KANK1: variants seen among roughly 807,000 people sequenced by gnomAD.
KANK1 encodes the protein KN motif and ankyrin repeat domains 1.
Under a neutral mutation model 106.2 loss-of-function variants are expected in KANK1, and 109 were observed. The observed-to-expected ratio is 1.03, with a 90% CI of 0.88 to 1.20. The LOEUF is 1.20. Ranked by LOEUF, KANK1 falls within the 50% of genes most tolerant of loss-of-function variation. KANK1 has a pLI of 0.00. For missense variants in KANK1, 2,399 were observed against 1,710.7 expected, an observed-to-expected ratio of 1.40 and a Z score of -7.10; for synonymous variants, 873 against 652.2, an observed-to-expected ratio of 1.34 and a Z score of -5.16.
chr9:624,883 C>G (rs1234047649), intron 1 of KANK1, among the ~76,000 whole-genome samples: 1 of 152,158 alleles, frequency 6.6e-6, no homozygotes, highest in Non-Finnish European at 1.5e-5. Flanking sequence ...GAGCCCATCT[C>G]TGAGGAAAAG....
intron 1 of KANK1, among the ~76,000 whole-genome samples, chr9:613,313 G>A (rs1831011485): frequency 6.6e-6 from 1 of 150,658 alleles, no homozygotes; most frequent in African/African-American, 2.4e-5. Flanking sequence ...TAGATAGCAA[G>A]TACAGCTGTA....
rs1334824574 is a variant in KANK1 at position 714,381 on chromosome 9, A to T, written c.2698+917A>T. On this transcript the variant is annotated intron_variant, in intron 3 of 11. Transcript: ENST00000382297. The stretch of plus-strand genomic sequence containing the variant: ...CACTCATTTTTTTTTTTTTTTTTTG[A>T]GACAGAGTCGCTCTGTCACCCAGGC... Among the ~76,000 whole-genome samples, 228 of 38,062 alleles carry T rather than the reference A, an allele frequency of 6.0e-3. 4 individuals carry two copies. The highest frequency in any genetic ancestry group is 0.028 in the African/African-American group (208 of 7,456). The allele number at this position is 38,062 out of a possible 152,430, so 25.0% of individuals were successfully genotyped here. A position where few individuals can be genotyped will look rare whatever the true frequency, so the allele number is the denominator to read the frequency against.
At chr9:660,900 T>A (rs892208871) in intron 1 of KANK1, among the ~76,000 whole-genome samples, 3 of 152,192 alleles carry the variant, frequency 2.0e-5, no homozygotes, top group African/African-American at 7.2e-5. Flanking sequence ...TGACCAGACA[T>A]GCCCTAGCTA....
intron 1 of KANK1, among the ~76,000 whole-genome samples, chr9:606,242 T>A (rs1219926401): frequency 6.6e-6 from 1 of 151,048 alleles, no homozygotes; most frequent in Non-Finnish European, 1.5e-5. Context: ...TATGTAAAAT[T>A]TTAAAAATAT....
chr9:589,933 C>G (rs1824427858), intron 1 of KANK1, among the ~76,000 whole-genome samples: 2 of 152,094 alleles, frequency 1.3e-5, no homozygotes, highest in African/African-American at 4.8e-5. Flanking sequence ...TTCTGTGAAC[C>G]CCTTAGGCAT....
rs559593304 is a variant in KANK1 at position 652,292 on chromosome 9, G to A, written c.-83-24598G>A. On this transcript the variant is annotated intron_variant, in intron 1 of 11. Coordinates refer to ENST00000382297, the MANE Select transcript of KANK1 (RefSeq NM_015158.5). The stretch of plus-strand genomic sequence containing the variant: ...TCCCAGCACTTTGGGAGGCTAAGGC[G>A]GGTGGATCATCTGAGGTCAGGAGTT... Among the ~76,000 whole-genome samples the A allele has an allele frequency of 5.3e-5, 8 of 152,176 alleles. No individual in the cohort carries two copies. The South Asian group carries it at 1.7e-3, about 32-fold the overall frequency.
intron 1 of KANK1, 110 bp from the exon 2 acceptor site, chr9:676,780 T>C: frequency 1.9e-6 from 1 of 526,144 alleles, no homozygotes; most frequent in South Asian, 2.4e-5. Flanking sequence ...TCTCCCCCCA[T>C]TCCGATTTCC....
rs200252858 is a variant in KANK1, at chr9:711,695, C to T, written c.929C>T (p.Ala310Val). 2.8e-5 allele frequency: 45 copies of T among 1,614,078 alleles called. No individual in the cohort carries two copies. The highest frequency in any genetic ancestry group is 1.6e-4 in the Middle Eastern group (1 of 6,084). Reference sequence around the variant, plus strand: ...GTCTCACAGCTGAAAAACCAAAGGGCTGCATCCCAGATCAATGTCTGTGGT... The same window carrying T: ...GTCTCACAGCTGAAAAACCAAAGGGTTGCATCCCAGATCAATGTCTGTGGT... The part of the protein sequence containing the change: ...QLVSQLKNQR[A>V]ASQINVCGVR... Residue 310 changes from alanine to valine, a missense_variant, in exon 3 of 12, where the codon GCT becomes GTT. Physicochemically the swap from Ala to Val is moderately conservative, Grantham distance 64. Coordinates refer to ENST00000382297, the MANE Select transcript of KANK1 (RefSeq NM_015158.5).
intron 1 of KANK1, among the ~76,000 whole-genome samples, chr9:611,419 A>T (rs1830525923): frequency 6.6e-6 from 1 of 152,182 alleles, no homozygotes; most frequent in Non-Finnish European, 1.5e-5. Context: ...TCAAGTAATG[A>T]TTGAACTTGG....
chr9:608,024 TA>T lies in KANK1; in HGVS notation c.-83-68865del, dbSNP rs1224396703. Among the ~76,000 whole-genome samples the T allele has an allele frequency of 8.1e-5, 6 of 74,336 alleles. No individual in the cohort carries two copies. In the East Asian group the frequency reaches 1.3e-3, roughly 16 times the overall value. 48.8% of individuals were successfully genotyped at this position (74,336 alleles called of 152,430 possible). A position where few individuals can be genotyped will look rare whatever the true frequency, so the allele number is the denominator to read the frequency against. On this transcript the variant is annotated intron_variant, in intron 1 of 11. Transcript: ENST00000382297. ...AAAAAACTTTCAGAATTATTATTAT[TA>T]TTATTATTATTTTTTTTTTTTTTGA...
chr9:578,332 T>C, intron 1 of KANK1, among the ~76,000 whole-genome samples: 1 of 60,362 alleles, frequency 1.7e-5, no homozygotes, highest in Non-Finnish European at 3.0e-5. Context: ...TTTTCAACTG[T>C]GTGTGTGTGT....
intron 3 of KANK1, among the ~76,000 whole-genome samples, chr9:475,024 C>A (rs539495583): frequency 1.3e-5 from 2 of 152,006 alleles, no homozygotes; most frequent in South Asian, 2.1e-4. Flanking sequence ...GTTGTTACAC[C>A]GTCTCTCTCA....
Position 546,223 on chromosome 9 carries a change from C to G in KANK1, c.-84+41469C>G, listed in dbSNP as rs546288716. The stretch of plus-strand genomic sequence containing the variant: ...CGTGGTGGCCTAGGATATATCTGCA[C>G]TTCTCAATCGAAGGCAATGTTGCCT... On this transcript the variant is annotated intron_variant, in intron 1 of 11. Coordinates refer to ENST00000382297, the MANE Select transcript of KANK1 (RefSeq NM_015158.5). Among the ~76,000 whole-genome samples the G allele has an allele frequency of 5.6e-4, 85 of 152,202 alleles. 3 individuals carry two copies. Among genetic ancestry groups the G allele is most frequent in the Admixed American group, 5.6e-3 (85 of 15,276 alleles).
chr9:700,173 C>T (rs1822298645), intron 2 of KANK1, among the ~76,000 whole-genome samples: 1 of 152,186 alleles, frequency 6.6e-6, no homozygotes, highest in African/African-American at 2.4e-5. Context: ...GGGAAAAGAG[C>T]AGGCTTAAAA....
chr9:642,174 G>A (rs555790906), intron 1 of KANK1, among the ~76,000 whole-genome samples: 1 of 151,394 alleles, frequency 6.6e-6, no homozygotes, highest in Non-Finnish European at 1.5e-5. Context: ...GGCAGATGCT[G>A]GGCTTTTTAA....
At chr9:667,342 T>C (rs1748094847) in intron 1 of KANK1, among the ~76,000 whole-genome samples, 1 of 152,076 alleles carries the variant, frequency 6.6e-6, no homozygotes. Flanking sequence ...TAAAGTTTTG[T>C]CAGTTTTTTT....
At position 661,971 on chromosome 9, in the gene KANK1, T is replaced by G. The variant is rs189205442; in HGVS notation, c.-83-14919T>G. 1.2e-3 allele frequency among the ~76,000 whole-genome samples: 181 copies of G among 152,318 alleles called. 3 individuals carry two copies. Among genetic ancestry groups the G allele is most frequent in the African/African-American group, 4.1e-3 (171 of 41,540 alleles). On this transcript the variant is annotated intron_variant, in intron 1 of 11. Transcript: ENST00000382297. ...TCCTTCGCCCACTTTTTGATGGGGT[T>G]GTTTGATTTTTTCTTGTAAATTTGT... is the stretch of plus-strand genomic sequence containing the variant.
intron 1 of KANK1, among the ~76,000 whole-genome samples, chr9:629,749 G>T (rs1835226410): frequency 6.6e-6 from 1 of 152,182 alleles, no homozygotes; most frequent in Non-Finnish European, 1.5e-5. Context: ...GTATACGTAT[G>T]TAGAGAGAAT....
chr9:674,544 A>G (rs1170599036), intron 1 of KANK1, among the ~76,000 whole-genome samples: 1 of 152,176 alleles, frequency 6.6e-6, no homozygotes, highest in African/African-American at 2.4e-5. Context: ...GATCAAAGCA[A>G]TCAGCCATTT....
Sources: gnomAD v4.1 joint callset for allele counts (sites outside exome capture counted in the v4.1 genomes callset) on GRCh38, gnomAD v4.1.1 for gene constraint, MANE v1.5 for transcripts, NCBI Gene and HGNC (gene_info 2026-07-23, HGNC 2026-07-21) for gene names.